Variants in SH3RF1 observed in about 807,000 individuals in gnomAD.
SH3RF1 encodes the protein SH3 domain containing ring finger 1.
In SH3RF1, 32 loss-of-function variants were observed where a neutral mutation model predicts 74.0. The observed-to-expected ratio is 0.43, with a 90% CI of 0.33 to 0.58. The LOEUF (loss-of-function observed/expected upper bound fraction) is 0.58. SH3RF1 is among the 20% of genes least tolerant of loss of function. The pLI is 0.05. For missense variants in SH3RF1, 954 were observed against 1,130.9 expected (o/e 0.84, Z 2.24); for synonymous variants, 396 against 439.6 (o/e 0.90, Z 1.24).
chr4:169,136,209 T>C, intron 5 of SH3RF1, 109 bp downstream of exon 5: 2 of 1,197,788 alleles, frequency 1.7e-6, no homozygotes, highest in Non-Finnish European at 2.2e-6. Flanking sequence ...AGTTACTATC[T>C]TCAGAAGTTC....
intron 5 of SH3RF1, among the ~76,000 whole-genome samples, chr4:169,131,458 G>C (rs1733619362): frequency 6.6e-6 from 1 of 152,104 alleles, no homozygotes; most frequent in Admixed American, 6.6e-5. Flanking sequence ...GAGCAGGCTG[G>C]TCTTGAACTC....
At chr4:169,210,747 A>G (rs1006348596) in intron 2 of SH3RF1, among the ~76,000 whole-genome samples, 1 of 152,184 alleles carries the variant, frequency 6.6e-6, no homozygotes, top group African/African-American at 2.4e-5. Flanking sequence ...AGGCTGTTCC[A>G]ATATCATATT....
chr4:169,177,485 C>T (rs1373823125), intron 2 of SH3RF1, among the ~76,000 whole-genome samples: 3 of 152,124 alleles, frequency 2.0e-5, no homozygotes, highest in Non-Finnish European at 2.9e-5. Flanking sequence ...AAATTATCCC[C>T]ACACTGACTT....
intron 2 of SH3RF1, among the ~76,000 whole-genome samples, chr4:169,266,543 C>A (rs980435764): frequency 2.0e-5 from 3 of 150,388 alleles, no homozygotes; most frequent in African/African-American, 7.4e-5. Flanking sequence ...TATGTATGGC[C>A]CTGACTGTTC....
At chr4:169,253,149 T>G (rs555984560) in intron 2 of SH3RF1, among the ~76,000 whole-genome samples, 1 of 152,228 alleles carries the variant, frequency 6.6e-6, no homozygotes, top group Non-Finnish European at 1.5e-5. Context: ...GAATTCCCAC[T>G]TCTTACACAC....
At chr4:169,159,966 G>A (rs761796366) in intron 2 of SH3RF1, among the ~76,000 whole-genome samples, 8 of 152,288 alleles carry the variant, frequency 5.3e-5, no homozygotes, top group Non-Finnish European at 1.0e-4. Flanking sequence ...GACATGTACC[G>A]TTTAATAGGG....
At chr4:169,185,759 A>G (rs1734589967) in intron 2 of SH3RF1, among the ~76,000 whole-genome samples, 1 of 152,192 alleles carries the variant, frequency 6.6e-6, no homozygotes, top group South Asian at 2.1e-4. Context: ...CTGTGCTAAT[A>G]ACAGCTTTGG....
chr4:169,215,865 G>A (rs904447619), intron 2 of SH3RF1, among the ~76,000 whole-genome samples: 1 of 151,854 alleles, frequency 6.6e-6, no homozygotes, highest in Non-Finnish European at 1.5e-5. Flanking sequence ...GTGCAGTGGT[G>A]CAATCATGGC....
intron 2 of SH3RF1, among the ~76,000 whole-genome samples, chr4:169,225,728 A>G (rs1192059975): frequency 6.6e-6 from 1 of 152,214 alleles, no homozygotes; most frequent in Non-Finnish European, 1.5e-5. Context: ...AAGTGATGGT[A>G]GCTTGAAGGA....
At chr4:169,221,881 C>A (rs1730570009) in intron 2 of SH3RF1, among the ~76,000 whole-genome samples, 1 of 152,168 alleles carries the variant, frequency 6.6e-6, no homozygotes, top group African/African-American at 2.4e-5. Context: ...AACTGCTAAG[C>A]TAAAGTATAA....
chr4:169,219,180 C>A lies in SH3RF1; in HGVS notation c.393+49640G>T, dbSNP rs75744327. Among the ~76,000 whole-genome samples the A allele has an allele frequency of 5.3e-3, 804 of 152,222 alleles. 16 individuals carry two copies. The highest frequency in any genetic ancestry group is 0.053 in the East Asian group (273 of 5,176). ...AACAGTGGAAGAAGGAACAACTGAC[C>A]TTTACAGAAGACAGAGAAAACCCCA... On this transcript the variant is annotated intron_variant, in intron 2 of 11. Transcript: ENST00000284637.
At chr4:169,185,659 C>T (rs994772856) in intron 2 of SH3RF1, among the ~76,000 whole-genome samples, 1 of 152,090 alleles carries the variant, frequency 6.6e-6, no homozygotes, top group Non-Finnish European at 1.5e-5. Context: ...ACTACAGTCA[C>T]AGCCACAAGC....
chr4:169,200,630 A>G (rs1734892867), intron 2 of SH3RF1, among the ~76,000 whole-genome samples: 1 of 152,204 alleles, frequency 6.6e-6, no homozygotes, highest in South Asian at 2.1e-4. Context: ...CATATGTATC[A>G]TATGTATTAC....
intron 2 of SH3RF1, among the ~76,000 whole-genome samples, chr4:169,211,210 C>T (rs993579071): frequency 3.9e-5 from 6 of 152,128 alleles, no homozygotes; most frequent in African/African-American, 1.2e-4. Flanking sequence ...GTGTTGAGCA[C>T]GGTGGCTCAT....
chr4:169,214,781 T>C (rs887140832), intron 2 of SH3RF1, among the ~76,000 whole-genome samples: 1 of 152,176 alleles, frequency 6.6e-6, no homozygotes, highest in African/African-American at 2.4e-5. Flanking sequence ...AGAAAAGTGA[T>C]TGGCTTTTGT....
intron 2 of SH3RF1, among the ~76,000 whole-genome samples, chr4:169,200,746 T>G (rs1436683537): frequency 1.3e-5 from 2 of 152,174 alleles, no homozygotes; most frequent in Non-Finnish European, 2.9e-5. Flanking sequence ...TATTCACTCT[T>G]CTCTTCCCAA....
intron 2 of SH3RF1, chr4:169,167,049 C>A: frequency 4.7e-6 from 1 of 212,372 alleles, no homozygotes; most frequent in Non-Finnish European, 9.3e-6. Context: ...CATTCCTCAG[C>A]TCCAGGGCTA....
chr4:169,105,033 C>G (rs185201419), intron 11 of SH3RF1, among the ~76,000 whole-genome samples: 47 of 152,074 alleles, frequency 3.1e-4, no homozygotes, highest in Admixed American at 2.7e-3. Flanking sequence ...ATGCAGGCCT[C>G]AGGTTTTGGT....
intron 2 of SH3RF1, among the ~76,000 whole-genome samples, chr4:169,216,096 G>A (rs1432078619): frequency 6.6e-6 from 1 of 152,096 alleles, no homozygotes; most frequent in Admixed American, 6.5e-5. Flanking sequence ...GAGCCACCAT[G>A]CCCAGCCTAA....
Sources: allele counts gnomAD v4.1 joint callset (sites outside exome capture counted in the v4.1 genomes callset), GRCh38; gene constraint gnomAD v4.1.1; transcripts MANE v1.5; gene names NCBI Gene and HGNC (gene_info 2026-07-23, HGNC 2026-07-21).